Variants in PITPNM3 observed in about 807,000 individuals in gnomAD.
PITPNM3 encodes the protein membrane-associated phosphatidylinositol transfer protein 3.
In PITPNM3, 26 loss-of-function variants were observed where a neutral mutation model predicts 102.0. That is an observed-to-expected ratio of 0.25 (90% CI 0.19 to 0.35). The LOEUF (loss-of-function observed/expected upper bound fraction) is 0.35, where lower values mean the gene tolerates loss of function less well. Ranked by LOEUF, PITPNM3 falls within the 10% of genes least tolerant of loss-of-function variation. PITPNM3 has a pLI of 1.00. For missense variants in PITPNM3, 1,083 were observed against 1,346.1 expected, an observed-to-expected ratio of 0.80 and a Z score of 3.06; for synonymous variants, 578 against 558.6, an observed-to-expected ratio of 1.03 and a Z score of -0.49.
At chr17:6,518,420 T>C (rs922933325) in intron 3 of PITPNM3, among the ~76,000 whole-genome samples, 13 of 150,652 alleles carry the variant, frequency 8.6e-5, no homozygotes, top group Non-Finnish European at 1.8e-4. Flanking sequence ...CTTTTATAAA[T>C]TTTACCAAAA....
chr17:6,501,312 G>A (rs762007556), intron 4 of PITPNM3, among the ~76,000 whole-genome samples: 10 of 152,068 alleles, frequency 6.6e-5, no homozygotes, highest in Non-Finnish European at 1.2e-4. Flanking sequence ...ACATCTCTGG[G>A]GCCTCGCTGG....
intron 2 of PITPNM3, among the ~76,000 whole-genome samples, chr17:6,530,689 AC>A (rs1166707151): frequency 6.6e-6 from 1 of 152,028 alleles, no homozygotes. Flanking sequence ...TCCTAGATCC[AC>A]CACCACCACC....
chr17:6,543,558 C>T (rs1012460006), intron 1 of PITPNM3, among the ~76,000 whole-genome samples: 5 of 152,212 alleles, frequency 3.3e-5, no homozygotes, highest in East Asian at 1.9e-4. Context: ...AGGTATTGGC[C>T]GATGCTTACT....
Position 6,472,958 on chromosome 17 carries a change from C to T in PITPNM3, c.1259-131G>A. The T allele has an allele frequency of 3.5e-6, 4 of 1,128,006 alleles. No individual in the cohort carries two copies. Among genetic ancestry groups the T allele is most frequent in the Non-Finnish European group, 5.2e-6 (4 of 774,098 alleles). The allele number at this position is 1,128,006 out of a possible 1,614,324, so 69.9% of individuals were successfully genotyped here. The stretch of plus-strand genomic sequence containing the variant: ...GAGCCTCCCCGGGCTCCCTGCTCCC[C>T]ACGGGAACAAAGCCATTACGTTCAG... On this transcript the variant is annotated intron_variant, in intron 10 of 19. Transcript: ENST00000262483. The surrounding 1 kb of genome is among the most constrained non-coding windows in gnomAD (Gnocchi z 4.1).
Position 6,468,454 on chromosome 17 carries a change from C to G in PITPNM3, c.1774-113G>C, listed in dbSNP as rs1487678170. 1 of 1,052,568 alleles carries G rather than the reference C, an allele frequency of 9.5e-7. No homozygotes were observed. 65.2% of individuals were successfully genotyped at this position (1,052,568 alleles called of 1,614,324 possible). A position where few individuals can be genotyped will look rare whatever the true frequency, so the allele number is the denominator to read the frequency against. On this transcript the variant is annotated intron_variant, in intron 13 of 19. Transcript: ENST00000262483. The surrounding 1 kb of genome is among the most constrained non-coding windows in gnomAD (Gnocchi z 5.2). The stretch of plus-strand genomic sequence containing the variant: ...AGCTGGGCCCTGCCCCTGCAACCCC[C>G]CAACCTCACAGCCTGGAACCGTCAG...
intron 4 of PITPNM3, among the ~76,000 whole-genome samples, chr17:6,498,807 T>G (rs1244702190): frequency 6.7e-6 from 1 of 149,918 alleles, no homozygotes; most frequent in Non-Finnish European, 1.5e-5. Flanking sequence ...ACAGAAAGAG[T>G]GAGGTTCAAT....
In PITPNM3 at chr17:6,471,222, C is replaced by G. The variant is rs1223970091; in HGVS notation, c.1563G>C (p.Gly521=). ...FQRPGRRMSE[G]SSHSESSESS... ...ACTCCGAGCTCTCGCTGTGGGAGCT[C>G]CCCTCGCTCATCCTCCGTCCTGGGC... Residue 521 remains glycine (G), a synonymous_variant, in exon 12 of 20, where the codon GGG becomes GGC. Coordinates refer to ENST00000262483, the MANE Select transcript of PITPNM3 (RefSeq NM_031220.4). 6.2e-7 allele frequency: 1 copy of G among 1,613,316 alleles called. No individual in the cohort carries two copies. The highest frequency in any genetic ancestry group is 1.7e-5 in the Admixed American group (1 of 60,010).
Position 6,525,265 on chromosome 17 carries a change from G to A in PITPNM3, c.226+91C>T, listed in dbSNP as rs564390442. The A allele has an allele frequency of 4.3e-6, 5 of 1,154,006 alleles. No individual in the cohort carries two copies. In the Admixed American group the frequency reaches 8.5e-5, roughly 20 times the overall value. 71.5% of individuals were successfully genotyped at this position (1,154,006 alleles called of 1,614,324 possible). On this transcript the variant is annotated intron_variant, in intron 3 of 19. Coordinates refer to ENST00000262483, the MANE Select transcript of PITPNM3 (RefSeq NM_031220.4). Reference sequence around the variant, plus strand: ...AAGGCAGATAGACTCTTCACAGAAGGCCCAAGCCCCAGCCCCAGTCACCAG... The same window carrying A: ...AAGGCAGATAGACTCTTCACAGAAGACCCAAGCCCCAGCCCCAGTCACCAG...
At chr17:6,551,710 T>C (rs406607) in intron 1 of PITPNM3, among the ~76,000 whole-genome samples, 87,645 of 151,582 alleles carry the variant, frequency 0.58, 26,829 homozygotes, top group African/African-American at 0.78. Flanking sequence ...ACCCCCATCG[T>C]TATGAAAAAA....
At position 6,474,400 on chromosome 17, in the gene PITPNM3, G is replaced by C. The variant is rs759889236; in HGVS notation, c.1258+32C>G. On this transcript the variant is annotated intron_variant, in intron 10 of 19. Coordinates refer to ENST00000262483, the MANE Select transcript of PITPNM3 (RefSeq NM_031220.4). ...ACACGGTGGCCCTAGTGACGCACAG[G>C]CACCTCAGGCCCCAGCCCACACCAT... The C allele has an allele frequency of 9.3e-6, 15 of 1,608,582 alleles. No individual in the cohort carries two copies. In the Admixed American group the frequency reaches 2.5e-4, roughly 27 times the overall value.
In PITPNM3 at chr17:6,464,233, G is replaced by A. The variant is rs375794400; in HGVS notation, c.2093C>T (p.Thr698Ile). The change falls in exon 16 of 20, where the codon ACA (threonine) becomes ATA (isoleucine). Residue 698 changes from threonine (T) to isoleucine (I), a missense_variant. By Grantham distance (89) the Thr-to-Ile change is moderately conservative (BLOSUM62 -1). Around this residue, in one of 5 missense-constraint regions of PITPNM3, gnomAD observed 410 missense variants for 638.4 expected, o/e 0.64. Coordinates refer to ENST00000262483, the MANE Select transcript of PITPNM3 (RefSeq NM_031220.4). ...TEITNSSGRI[T>I]YNVPRPRRLG... ...GCGCCGGGGCCGCGGCACATTGTAT[G>A]TGATGCGACCACTGCTGTTGGTGAT... The A allele has an allele frequency of 3.8e-5, 61 of 1,614,068 alleles. No homozygotes were observed. The highest frequency in any genetic ancestry group is 3.3e-4 in the East Asian group (15 of 44,888).
intron 1 of PITPNM3, among the ~76,000 whole-genome samples, chr17:6,552,867 T>C (rs941891957): frequency 3.3e-5 from 5 of 149,940 alleles, no homozygotes; most frequent in Non-Finnish European, 5.9e-5. Context: ...CCTGGGTTCA[T>C]GCCATTCTCT....
chr17:6,453,115 T>TTCTCTCTCCCTCTCTCTCTC lies in PITPNM3; in HGVS notation c.*2203_*2222dup, dbSNP rs1218744604. 3 of 118,958 alleles carry TTCTCTCTCCCTCTCTCTCTC rather than the reference T, an allele frequency of 2.5e-5. No individual in the cohort carries two copies. The highest frequency in any genetic ancestry group is 1.6e-4 in the Admixed American group (2 of 12,774). 7.4% of individuals were successfully genotyped at this position (118,958 alleles called of 1,614,324 possible). On this transcript the variant is annotated 3_prime_UTR_variant, in exon 20 of 20. Transcript: ENST00000262483. ...TGTCTTCCTTTCTTTCTCTCTCTCT[T>TTCTCTCTCCCTCTCTCTCTC]TCTCTCTCCCTCTCTCTCTCTCTCT... is the stretch of plus-strand genomic sequence containing the variant.
intron 2 of PITPNM3, among the ~76,000 whole-genome samples, chr17:6,535,784 A>G (rs985191389): frequency 1.3e-5 from 2 of 150,738 alleles, no homozygotes; most frequent in African/African-American, 4.9e-5. Context: ...TTAGCCAGGT[A>G]TGGTGGTGCC....
chr17:6,469,936 A>G lies in PITPNM3; in HGVS notation c.1773+324T>C, dbSNP rs1264806735. On this transcript the variant is annotated intron_variant, in intron 13 of 19. Transcript: ENST00000262483. This position sits in a 1 kb window ranked among gnomAD's most constrained non-coding sequence, Gnocchi z 4.0. ...TGCTATACCTTCTGTTTTGCAGACG[A>G]GGACATTGAGACTCAGTGGGGAGTG... Among the ~76,000 whole-genome samples, 8 of 152,144 alleles carry G rather than the reference A, an allele frequency of 5.3e-5. No individual in the cohort carries two copies. The highest frequency in any genetic ancestry group is 1.0e-4 in the Non-Finnish European group (7 of 68,028).
At chr17:6,515,397 C>CAAAA (rs61420968) in intron 3 of PITPNM3, among the ~76,000 whole-genome samples, 61 of 81,656 alleles carry the variant, frequency 7.5e-4, no homozygotes, top group Non-Finnish European at 9.6e-4. Context: ...GACTCCATCT[C>CAAAA]AAAAAAAAAA....
At chr17:6,524,925 T>C (rs914300148) in intron 3 of PITPNM3, among the ~76,000 whole-genome samples, 1 of 152,112 alleles carries the variant, frequency 6.6e-6, no homozygotes, top group Non-Finnish European at 1.5e-5. Flanking sequence ...CTTCAACAAC[T>C]CCACCAAAGG....
intron 4 of PITPNM3, among the ~76,000 whole-genome samples, chr17:6,490,687 G>A (rs1051050962): frequency 7.2e-5 from 11 of 151,968 alleles, no homozygotes; most frequent in African/African-American, 2.4e-4. Context: ...CGGGCGCAGT[G>A]GCTCATGCCT....
intron 2 of PITPNM3, among the ~76,000 whole-genome samples, chr17:6,535,310 T>A (rs1440779041): frequency 6.6e-6 from 1 of 152,038 alleles, no homozygotes; most frequent in Non-Finnish European, 1.5e-5. Flanking sequence ...GAGCACTGGC[T>A]GGGCTGGGCT....
Sources: gnomAD v4.1 joint callset for allele counts (sites outside exome capture counted in the v4.1 genomes callset) on GRCh38, gnomAD v4.1.1 for gene constraint, gnomAD v4.1.1 regional missense constraint, Gnocchi (gnomAD v3.1) non-coding constraint, MANE v1.5 for transcripts, NCBI Gene and HGNC (gene_info 2026-07-23, HGNC 2026-07-21) for gene names.